COPA: variants seen among roughly 807,000 people sequenced by gnomAD.
The protein encoded by COPA is coatomer subunit alpha.
COPA carries 10 observed loss-of-function variants against 158.7 expected under a neutral mutation model. The observed-to-expected ratio is 0.06, with a 90% CI of 0.04 to 0.11. COPA has a LOEUF of 0.11. COPA is among the 10% of genes least tolerant of loss of function. The probability of loss-of-function intolerance (pLI) is 1.00; values close to 1 mark genes in which losing one functional copy is unlikely to be tolerated. For missense variants in COPA, 1,065 were observed against 1,536.7 expected, an observed-to-expected ratio of 0.69 and a Z score of 5.13; for synonymous variants, 462 against 542.8, an observed-to-expected ratio of 0.85 and a Z score of 2.07.
At chr1:160,303,135 G>A (rs1658670158) in intron 17 of COPA, among the ~76,000 whole-genome samples, 1 of 152,222 alleles carries the variant, frequency 6.6e-6, no homozygotes, top group East Asian at 1.9e-4. Flanking sequence ...GGAAGCAGAG[G>A]TTGCAGTGAG....
intron 6 of COPA, among the ~76,000 whole-genome samples, chr1:160,332,208 A>G (rs1288874014): frequency 6.6e-6 from 1 of 152,200 alleles, no homozygotes; most frequent in Non-Finnish European, 1.5e-5. Context: ...AGCTGATGTA[A>G]CTAGAAAGTT....
At chr1:160,334,437 CAATGACA>C (rs1647669602) in intron 4 of COPA, among the ~76,000 whole-genome samples, 2 of 152,092 alleles carry the variant, frequency 1.3e-5, no homozygotes, top group African/African-American at 4.8e-5. Flanking sequence ...TCCTTTATGG[CAATGACA>C]AATAATTCCT....
chr1:160,292,360 C>G, intron 28 of COPA, 124 bp downstream of exon 28: 1 of 1,577,634 alleles, frequency 6.3e-7, no homozygotes, highest in South Asian at 1.2e-5. Flanking sequence ...GAGTAACAAA[C>G]CAAAGATCTT....
chr1:160,340,748 C>T (rs1648004163), intron 1 of COPA, among the ~76,000 whole-genome samples: 1 of 152,182 alleles, frequency 6.6e-6, no homozygotes, highest in Non-Finnish European at 1.5e-5. Context: ...TCTGCCTTCT[C>T]CTTTCCAGTG....
chr1:160,336,558 A>G (rs764217134), intron 3 of COPA, among the ~76,000 whole-genome samples: 1 of 152,196 alleles, frequency 6.6e-6, no homozygotes, highest in African/African-American at 2.4e-5. Flanking sequence ...TCAGATGTGA[A>G]GTTGAGTCAA....
In COPA at chr1:160,340,182, A is replaced by G. The variant is rs753243761; in HGVS notation, c.153T>C (p.Asp51=). 1 of 1,603,432 alleles carries G rather than the reference A, an allele frequency of 6.2e-7. No individual in the cohort carries two copies. The highest frequency in any genetic ancestry group is 1.7e-5 in the Admixed American group (1 of 59,994). ...AACTTCCTCCTAGAAATATCTCACC[A>G]TCATGTTCATCAAACTTGTCAATGA... ...CTLIDKFDEH[D]GPVRGIDFHK... Residue 51 remains aspartate, a splice_region_variant and synonymous_variant, in exon 2 of 33, where the codon GAT becomes GAC. Coordinates refer to ENST00000241704, the MANE Select transcript of COPA (RefSeq NM_004371.4).
In COPA at chr1:160,295,811, T is replaced by C. The variant is rs760093872; in HGVS notation, c.2401A>G (p.Ile801Val). The C allele has an allele frequency of 3.1e-6, 5 of 1,613,508 alleles. No homozygotes were observed. Among genetic ancestry groups the C allele is most frequent in the East Asian group, 4.5e-5 (2 of 44,884 alleles). Reference sequence around the variant, plus strand: ...GGCCAATTGGTATCCAATGGCATGATAGGTGCAGGTGGCTGGAGCAGCTTG... The same window carrying C: ...GGCCAATTGGTATCCAATGGCATGACAGGTGCAGGTGGCTGGAGCAGCTTG... ...NAKLLQPPAP[I>V]MPLDTNWPLL... is the part of the protein sequence containing the mutation. The change falls in exon 23 of 33, where the codon ATC becomes GTC. Residue 801 changes from isoleucine to valine, a missense_variant. Transcript: ENST00000241704.
intron 9 of COPA, among the ~76,000 whole-genome samples, 189 bp from the exon 10 acceptor site, chr1:160,313,356 G>A (rs1334231797): frequency 6.6e-6 from 1 of 151,902 alleles, no homozygotes; most frequent in Non-Finnish European, 1.5e-5. Flanking sequence ...CTTCAAAACT[G>A]ACCATATTAT....
chr1:160,330,517 ATCTAGAGGTTCTAC>A (rs1380847881), intron 6 of COPA, among the ~76,000 whole-genome samples: 1 of 152,202 alleles, frequency 6.6e-6, no homozygotes, highest in Non-Finnish European at 1.5e-5. Context: ...AGACAGCATT[ATCTAGAGGTTCTAC>A]TCTACAATTG....
At chr1:160,323,311 G>T in intron 8 of COPA, 120 bp downstream of exon 8, 1 of 534,588 alleles carries the variant, frequency 1.9e-6, no homozygotes, top group Non-Finnish European at 3.1e-6. Context: ...ATGCTCCTGG[G>T]ATTAGCATTA....
intron 17 of COPA, 173 bp downstream of exon 17, chr1:160,305,260 T>A (rs754342763): frequency 3.7e-5 from 21 of 575,116 alleles, no homozygotes; most frequent in Non-Finnish European, 6.3e-5. Flanking sequence ...GTTTTAGATT[T>A]CTCAATTTTA....
intron 8 of COPA, among the ~76,000 whole-genome samples, chr1:160,314,426 C>T (rs1659071766): frequency 6.6e-6 from 1 of 152,014 alleles, no homozygotes; most frequent in Non-Finnish European, 1.5e-5. Flanking sequence ...CCTAGGAGTT[C>T]GAGATCAGCC....
intron 26 of COPA, 43 bp from the exon 27 acceptor site, chr1:160,293,277 C>G: frequency 6.2e-7 from 1 of 1,612,902 alleles, no homozygotes; most frequent in Non-Finnish European, 8.5e-7. Flanking sequence ...AAACTTTGTC[C>G]CTTCTCTATT....
intron 13 of COPA, 26 bp downstream of exon 13, chr1:160,309,075 G>A (rs1385598372): frequency 6.3e-7 from 1 of 1,581,812 alleles, no homozygotes; most frequent in African/African-American, 1.3e-5. Flanking sequence ...TGGAAGCAGA[G>A]TGGGGTAGAC....
At chr1:160,291,257 A>G (rs1270439857) in intron 31 of COPA, 78 bp downstream of exon 31, 1 of 1,480,306 alleles carries the variant, frequency 6.8e-7, no homozygotes, top group Non-Finnish European at 9.2e-7. Flanking sequence ...TTTGTTTCAG[A>G]GGCAAGGACC....
Position 160,289,083 on chromosome 1 carries a change from C to T in COPA, c.*1074G>A, listed in dbSNP as rs1241412337. ...CCTCCCGGGTTCAAGCAATCCTCTG[C>T]CTCAGCCTCCAGAGTAGCTGGGATT... On this transcript the variant is annotated 3_prime_UTR_variant, in exon 33 of 33. Coordinates refer to ENST00000241704, the MANE Select transcript of COPA (RefSeq NM_004371.4). 6.6e-6 allele frequency among the ~76,000 whole-genome samples: 1 copy of T among 152,042 alleles called. No individual in the cohort carries two copies. Among genetic ancestry groups the T allele is most frequent in the African/African-American group, 2.4e-5 (1 of 41,394 alleles).
intron 10 of COPA, 124 bp downstream of exon 10, chr1:160,312,961 C>T: frequency 3.7e-6 from 3 of 801,764 alleles, no homozygotes; most frequent in Non-Finnish European, 5.9e-6. Flanking sequence ...AACTAAGTGG[C>T]TCTGAGAGTC....
intron 8 of COPA, among the ~76,000 whole-genome samples, chr1:160,322,401 CCTAT>C (rs1177703192): frequency 1.3e-5 from 2 of 152,062 alleles, no homozygotes; most frequent in Admixed American, 1.3e-4. Flanking sequence ...GAATGAAACT[CCTAT>C]CTCTCACCAC....
chr1:160,323,637 G>C, intron 7 of COPA, 107 bp from the exon 8 acceptor site: 4 of 792,816 alleles, frequency 5.0e-6, no homozygotes, highest in Non-Finnish European at 7.5e-6. Context: ...TATTCTTCAT[G>C]TGAACAGATT....
Sources: allele counts gnomAD v4.1 joint callset (sites outside exome capture counted in the v4.1 genomes callset), GRCh38; gene constraint gnomAD v4.1.1; transcripts MANE v1.5; gene names NCBI Gene and HGNC (gene_info 2026-07-23, HGNC 2026-07-21).